WDSUB1: variants seen among roughly 807,000 people sequenced by gnomAD.
WDSUB1 encodes WD repeat, sterile alpha motif and U-box domain containing 1.
In WDSUB1, 49 loss-of-function variants were observed where a neutral mutation model predicts 53.9. The ratio of observed to expected loss-of-function variants is 0.91; its 90% CI spans 0.72 to 1.15. The LOEUF is 1.15. Among genes scored for constraint, WDSUB1 ranks in the 50% most tolerant of loss-of-function variants. The pLI, the probability that WDSUB1 is intolerant of heterozygous loss-of-function variation, is 0.00. For synonymous variants in WDSUB1, 194 were observed against 200.6 expected, an observed-to-expected ratio of 0.97 and a Z score of 0.28; for missense variants, 514 against 562.0, an observed-to-expected ratio of 0.91 and a Z score of 0.86.
intron 5 of WDSUB1, 150 bp from the exon 6 acceptor site, chr2:159,259,993 T>C: frequency 2.1e-6 from 2 of 939,626 alleles, no homozygotes; most frequent in East Asian, 3.1e-5. Flanking sequence ...TTCATATGCA[T>C]GAAAACTTTA....
chr2:159,275,280 CTG>C (rs1288491114), intron 4 of WDSUB1, among the ~76,000 whole-genome samples: 3 of 152,170 alleles, frequency 2.0e-5, no homozygotes, highest in Non-Finnish European at 4.4e-5. Flanking sequence ...TTTACAGAAA[CTG>C]TGAAAACCAC....
chr2:159,251,353 G>A (rs2060948418), intron 9 of WDSUB1, among the ~76,000 whole-genome samples: 1 of 152,092 alleles, frequency 6.6e-6, no homozygotes, highest in Non-Finnish European at 1.5e-5. Context: ...TTCTACATGT[G>A]TGCTAATACT....
chr2:159,284,127 T>C (rs893378963), intron 1 of WDSUB1, among the ~76,000 whole-genome samples: 2 of 152,126 alleles, frequency 1.3e-5, no homozygotes, highest in African/African-American at 4.8e-5. Context: ...AGCTCTGTTT[T>C]AAAGGACAAC....
At chr2:159,242,585 G>A (rs2060684731) in intron 10 of WDSUB1, among the ~76,000 whole-genome samples, 1 of 147,584 alleles carries the variant, frequency 6.8e-6, no homozygotes, top group Non-Finnish European at 1.5e-5. Context: ...AACTGAGGAG[G>A]CAGAGGTTGC....
intron 10 of WDSUB1, among the ~76,000 whole-genome samples, chr2:159,241,331 C>G (rs1188234432): frequency 6.6e-6 from 1 of 152,164 alleles, no homozygotes; most frequent in Non-Finnish European, 1.5e-5. Flanking sequence ...TTTATCTTGG[C>G]TGGGCACATC....
At chr2:159,259,456 T>C (rs1443602966) in intron 6 of WDSUB1, among the ~76,000 whole-genome samples, 1 of 152,322 alleles carries the variant, frequency 6.6e-6, no homozygotes, top group Middle Eastern at 3.4e-3. Flanking sequence ...CTTTCAACCA[T>C]ATTCACCAAA....
At chr2:159,264,734 G>C (rs775439684) in intron 5 of WDSUB1, among the ~76,000 whole-genome samples, 6 of 152,124 alleles carry the variant, frequency 3.9e-5, no homozygotes, top group Non-Finnish European at 8.8e-5. Context: ...GTGGGTTGCC[G>C]ATCAAAAGTC....
At chr2:159,236,814 T>G (rs904597182) in intron 10 of WDSUB1, among the ~76,000 whole-genome samples, 4 of 152,200 alleles carry the variant, frequency 2.6e-5, no homozygotes, top group African/African-American at 7.2e-5. Context: ...TTTAGTAGAG[T>G]TTCACTATGT....
chr2:159,254,297 T>A (rs2061013603), intron 9 of WDSUB1, among the ~76,000 whole-genome samples: 2 of 152,212 alleles, frequency 1.3e-5, no homozygotes, highest in Admixed American at 1.3e-4. Context: ...CAGTGGCTCA[T>A]GCCTGTAATC....
At chr2:159,246,747 A>G (rs1022176149) in intron 10 of WDSUB1, among the ~76,000 whole-genome samples, 1 of 152,234 alleles carries the variant, frequency 6.6e-6, no homozygotes, top group African/African-American at 2.4e-5. Flanking sequence ...CTGAAAGTCC[A>G]CTGACAGGTT....
In WDSUB1 at chr2:159,259,507, C is replaced by T. The variant is rs552980187; in HGVS notation, c.804+303G>A. Among the ~76,000 whole-genome samples the T allele has an allele frequency of 4.6e-5, 7 of 152,240 alleles. No homozygotes were observed. In the South Asian group the frequency reaches 1.4e-3, roughly 32 times the overall value. Reference sequence around the variant, plus strand: ...ATTCATCCTTTGCTATTATGGAAGCCTGGTGTAAAAGTTTAATAATTGATT... The same window carrying T: ...ATTCATCCTTTGCTATTATGGAAGCTTGGTGTAAAAGTTTAATAATTGATT... On this transcript the variant is annotated intron_variant, in intron 6 of 10. Coordinates refer to ENST00000359774, the MANE Select transcript of WDSUB1 (RefSeq NM_001128212.3).
intron 10 of WDSUB1, among the ~76,000 whole-genome samples, chr2:159,246,186 A>G (rs1211518182): frequency 1.3e-5 from 2 of 152,214 alleles, no homozygotes; most frequent in Non-Finnish European, 2.9e-5. Flanking sequence ...TAATCCCAGC[A>G]CTTTGGGAGC....
chr2:159,283,656 G>A (rs1177659732), intron 1 of WDSUB1, among the ~76,000 whole-genome samples: 3 of 49,968 alleles, frequency 6.0e-5, no homozygotes, highest in East Asian at 4.5e-4. Context: ...TATCTGCTCC[G>A]CCTTCAAAAA....
At chr2:159,271,944 C>G in intron 4 of WDSUB1, 149 bp from the exon 5 acceptor site, 1 of 641,798 alleles carries the variant, frequency 1.6e-6, no homozygotes, top group Non-Finnish European at 2.7e-6. Context: ...GCTCAGATAT[C>G]TATAAGGAAA....
chr2:159,256,142 A>G (rs1427581810), intron 9 of WDSUB1, 54 bp downstream of exon 9: 12 of 1,518,248 alleles, frequency 7.9e-6, no homozygotes, highest in South Asian at 1.3e-5. Flanking sequence ...ATCCAACTGC[A>G]GAGTAATTTG....
intron 2 of WDSUB1, among the ~76,000 whole-genome samples, chr2:159,280,708 A>AAAAAAAAAAAAAAAAAAACC (rs111752652): frequency 7.4e-6 from 1 of 134,320 alleles, no homozygotes; most frequent in African/African-American, 3.4e-5. Context: ...AAAAAAAAAA[A>AAAAAAAAAAAAAAAAAAACC]ATTACCCAGA....
At chr2:159,253,171 CTT>C (rs770242453) in intron 9 of WDSUB1, among the ~76,000 whole-genome samples, 1 of 152,194 alleles carries the variant, frequency 6.6e-6, no homozygotes, top group Non-Finnish European at 1.5e-5. Context: ...ACCTTTCACA[CTT>C]TATGCCTTTT....
At chr2:159,270,406 A>G (rs1471293242) in intron 5 of WDSUB1, among the ~76,000 whole-genome samples, 1 of 151,754 alleles carries the variant, frequency 6.6e-6, no homozygotes, top group African/African-American at 2.4e-5. Flanking sequence ...GTTGATTCTA[A>G]AATTTACATG....
In WDSUB1 at chr2:159,279,855, T is replaced by G; in HGVS notation, c.489A>C (p.Leu163Phe). The G allele has an allele frequency of 1.2e-6, 2 of 1,612,698 alleles. No homozygotes were observed. Among genetic ancestry groups the G allele is most frequent in the Non-Finnish European group, 1.7e-6 (2 of 1,179,026 alleles). ...FFVTGSSCGD[L>F]TVWDDKMRCL... ...ACCTCATTTTATCATCCCACACTGT[T>G]AAATCACCACATGAGGAGCCAGTGA... The change falls in exon 3 of 11, where the codon TTA (leucine) becomes TTC (phenylalanine). Residue 163 changes from leucine to phenylalanine, a missense_variant. Transcript: ENST00000359774.
Sources: allele counts gnomAD v4.1 joint callset (sites outside exome capture counted in the v4.1 genomes callset), GRCh38; gene constraint gnomAD v4.1.1; transcripts MANE v1.5; gene names NCBI Gene and HGNC (gene_info 2026-07-23, HGNC 2026-07-21).